Variants in FILIP1 observed in about 807,000 individuals in gnomAD.
FILIP1 encodes the protein filamin-A-interacting protein 1.
A neutral mutation model predicts 102.1 loss-of-function variants in FILIP1; 61 were observed. The observed-to-expected ratio is 0.60, with a 90% CI of 0.49 to 0.74. FILIP1 has a LOEUF of 0.74. Among genes scored for constraint, FILIP1 ranks in the 30% least tolerant of loss-of-function variants. FILIP1 has a pLI of 0.00. For missense variants in FILIP1, 1,314 were observed against 1,441.2 expected, an observed-to-expected ratio of 0.91 and a Z score of 1.43; for synonymous variants, 491 against 526.9, an observed-to-expected ratio of 0.93 and a Z score of 0.93.
chr6:75,353,604 A>G lies in FILIP1; in HGVS notation c.564T>C (p.His188=). 1 of 1,614,194 alleles carries G rather than the reference A, an allele frequency of 6.2e-7. No individual in the cohort carries two copies. The highest frequency in any genetic ancestry group is 8.5e-7 in the Non-Finnish European group (1 of 1,180,030). The change falls in exon 4 of 6, where the codon CAT becomes CAC. Residue 188 remains histidine (H), a synonymous_variant. Transcript: ENST00000237172. ...TCTTGTTCATGTAGTCAGTGTGTTT[A>G]TGCTTCTCGTTCTCTAACTCGTATA... The part of the protein sequence containing the change: ...RTVYELENEK[H]KHTDYMNKSD...
At chr6:75,467,545 G>A (rs1779204574) in intron 1 of FILIP1, among the ~76,000 whole-genome samples, 1 of 152,124 alleles carries the variant, frequency 6.6e-6, no homozygotes, top group South Asian at 2.1e-4. Flanking sequence ...CCTGCAAACT[G>A]GTCTGCTAAA....
intron 2 of FILIP1, among the ~76,000 whole-genome samples, chr6:75,367,119 A>G (rs150218353): frequency 2.0e-4 from 31 of 152,250 alleles, no homozygotes; most frequent in African/African-American, 6.3e-4. Flanking sequence ...TTGTGTTCCA[A>G]CTGATACCAA....
In FILIP1 at chr6:75,336,204, C is replaced by T. The variant is rs147944564; in HGVS notation, c.629+17335G>A. Among the ~76,000 whole-genome samples, 37 of 152,204 alleles carry T rather than the reference C, an allele frequency of 2.4e-4. 1 individual carries two copies. The East Asian group carries it at 5.2e-3, about 21-fold the overall frequency. ...GCTGCACTAGTGCTGGGGGAAGAGG[C>T]GTCTTGGCAATTGATTGATAGACTT... On this transcript the variant is annotated intron_variant, in intron 4 of 5. Transcript: ENST00000237172.
rs113190790 is a variant in FILIP1 at position 75,418,989 on chromosome 6, C to T, written c.-6-4011G>A. 3.1e-3 allele frequency among the ~76,000 whole-genome samples: 466 copies of T among 150,640 alleles called. 3 individuals are homozygous for T. Among genetic ancestry groups the T allele is most frequent in the African/African-American group, 0.011 (440 of 40,986 alleles). ...GGTCCTCTCTCCTTTTCATCTGCGT[C>T]CCCCCCACCCCCTGCAGCCTCCCAT... On this transcript the variant is annotated intron_variant, in intron 1 of 5. Transcript: ENST00000237172.
At chr6:75,442,377 CG>C (rs1429516395) in intron 1 of FILIP1, among the ~76,000 whole-genome samples, 1 of 152,160 alleles carries the variant, frequency 6.6e-6, no homozygotes, top group Non-Finnish European at 1.5e-5. Flanking sequence ...GCTGCACTCT[CG>C]GCACTTTGGG....
At chr6:75,469,385 C>T (rs1345237777) in intron 1 of FILIP1, among the ~76,000 whole-genome samples, 1 of 151,788 alleles carries the variant, frequency 6.6e-6, no homozygotes, top group Admixed American at 6.6e-5. Flanking sequence ...TTTACACTAT[C>T]ACAAAAAAGT....
At chr6:75,355,093 G>A (rs947962681) in intron 3 of FILIP1, among the ~76,000 whole-genome samples, 3 of 152,002 alleles carry the variant, frequency 2.0e-5, no homozygotes, top group Non-Finnish European at 2.9e-5. Context: ...TTAGGAGTTC[G>A]AGACCAGCCT....
intron 2 of FILIP1, among the ~76,000 whole-genome samples, chr6:75,379,718 A>G (rs901511615): frequency 6.6e-6 from 1 of 152,108 alleles, no homozygotes; most frequent in African/African-American, 2.4e-5. Context: ...GCTTTCCCCT[A>G]AGGCCTCTGC....
Position 75,426,587 on chromosome 6 carries a change from G to A in FILIP1, c.-6-11609C>T, listed in dbSNP as rs530040136. Among the ~76,000 whole-genome samples, 23 of 152,232 alleles carry A rather than the reference G, an allele frequency of 1.5e-4. No homozygotes were observed. In the East Asian group the frequency reaches 4.1e-3, roughly 27 times the overall value. ...ACATGCTAACAGGAGAGTCACCAAG[G>A]CAGATGGCTTCAAGCAGTCACCCAA... On this transcript the variant is annotated intron_variant, in intron 1 of 5. Transcript: ENST00000237172.
At chr6:75,348,915 T>C (rs1291497155) in intron 4 of FILIP1, among the ~76,000 whole-genome samples, 1 of 152,314 alleles carries the variant, frequency 6.6e-6, no homozygotes, top group East Asian at 1.9e-4. Context: ...ACAGTCATTC[T>C]GCCTTTCAAA....
intron 6 of FILIP1, among the ~76,000 whole-genome samples, chr6:75,300,183 A>C (rs912031502): frequency 1.3e-5 from 2 of 152,196 alleles, no homozygotes; most frequent in Non-Finnish European, 2.9e-5. Flanking sequence ...GCTAGCCTCT[A>C]AGTTCACATA....
intron 1 of FILIP1, among the ~76,000 whole-genome samples, chr6:75,477,614 A>C (rs1779518867): frequency 6.6e-6 from 1 of 151,962 alleles, no homozygotes; most frequent in Non-Finnish European, 1.5e-5. Context: ...GAAAGAAAAA[A>C]ATTCTGAATA....
chr6:75,308,778 CTCG>C lies in FILIP1; in HGVS notation c.3552_3554del (p.Phe1184_Glu1185delinsLeu), dbSNP rs1562428698. On this transcript the variant is annotated inframe_deletion, in exon 6 of 6. Coordinates refer to ENST00000237172, the MANE Select transcript of FILIP1 (RefSeq NM_015687.5). ...TCATAGACTGAGTCTCAGCTCGAGG[CTCG>C]AATTTGGTCAGATTTCCTGCTCCTG... 6.2e-7 allele frequency: 1 copy of C among 1,614,060 alleles called. No homozygotes were observed. The highest frequency in any genetic ancestry group is 8.5e-7 in the Non-Finnish European group (1 of 1,180,012).
intron 6 of FILIP1, among the ~76,000 whole-genome samples, chr6:75,303,069 A>C (rs1772886941): frequency 1.3e-5 from 2 of 152,102 alleles, no homozygotes; most frequent in South Asian, 4.1e-4. Flanking sequence ...AGAATGAGAG[A>C]ATAAGCAGGA....
chr6:75,333,770 A>G (rs1023830335), intron 4 of FILIP1, among the ~76,000 whole-genome samples: 1 of 152,204 alleles, frequency 6.6e-6, no homozygotes, highest in African/African-American at 2.4e-5. Flanking sequence ...ACTGAGCACT[A>G]AATCAAGCTA....
chr6:75,464,139 G>A (rs1779102222), intron 1 of FILIP1, among the ~76,000 whole-genome samples: 1 of 152,114 alleles, frequency 6.6e-6, no homozygotes, highest in Non-Finnish European at 1.5e-5. Flanking sequence ...AGATTATAAT[G>A]CTCCACAATT....
At chr6:75,385,439 T>C (rs1488289788) in intron 2 of FILIP1, among the ~76,000 whole-genome samples, 1 of 152,166 alleles carries the variant, frequency 6.6e-6, no homozygotes, top group Non-Finnish European at 1.5e-5. Flanking sequence ...GTAAAATCAA[T>C]GCCCTAAAAA....
At chr6:75,365,495 A>G (rs1354976197) in intron 2 of FILIP1, among the ~76,000 whole-genome samples, 2 of 152,036 alleles carry the variant, frequency 1.3e-5, no homozygotes, top group African/African-American at 4.8e-5. Context: ...CTCCTCAGCA[A>G]TTCTCCTCAG....
intron 1 of FILIP1, among the ~76,000 whole-genome samples, chr6:75,441,522 G>A (rs1312680893): frequency 2.6e-5 from 4 of 152,124 alleles, no homozygotes; most frequent in African/African-American, 7.2e-5. Flanking sequence ...GGTGGTGGCC[G>A]GGTAGAGGGG....
Sources: allele counts gnomAD v4.1 joint callset (sites outside exome capture counted in the v4.1 genomes callset), GRCh38; gene constraint gnomAD v4.1.1; transcripts MANE v1.5; gene names NCBI Gene and HGNC (gene_info 2026-07-23, HGNC 2026-07-21).